Variants in PLCZ1 observed in about 807,000 individuals in gnomAD.
PLCZ1 encodes phospholipase C zeta 1, also known as 1-phosphatidylinositol 4,5-bisphosphate phosphodiesterase zeta-1.
PLCZ1 carries 64 observed loss-of-function variants against 76.8 expected under a neutral mutation model. That is an observed-to-expected ratio of 0.83 (90% CI 0.68 to 1.03). The LOEUF is 1.03. Among genes scored for constraint, PLCZ1 ranks in the 50% least tolerant of loss-of-function variants. The probability of loss-of-function intolerance (pLI) is 0.00; values close to 1 mark genes in which losing one functional copy is unlikely to be tolerated. For missense variants in PLCZ1, 751 were observed against 713.7 expected, an observed-to-expected ratio of 1.05 and a Z score of -0.60; for synonymous variants, 248 against 230.8, an observed-to-expected ratio of 1.07 and a Z score of -0.68.
At chr12:18,720,372 G>A (rs1958367938) in intron 4 of PLCZ1, among the ~76,000 whole-genome samples, 1 of 151,532 alleles carries the variant, frequency 6.6e-6, no homozygotes, top group African/African-American at 2.4e-5. Context: ...TCTGTATGGT[G>A]CATGCCTAGG....
At chr12:18,685,768 A>T in intron 13 of PLCZ1, 1 of 375,270 alleles carries the variant, frequency 2.7e-6, no homozygotes, top group Non-Finnish European at 5.5e-6. Flanking sequence ...TCTTCCTCCA[A>T]TCCTACTTCA....
chr12:18,694,109 G>T, intron 12 of PLCZ1: 1 of 994,564 alleles, frequency 1.0e-6, no homozygotes, highest in Non-Finnish European at 1.6e-6. Flanking sequence ...GTGAACTACG[G>T]CTGCCATCAG....
the PLCZ1 span, among the ~76,000 whole-genome samples, chr12:18,651,159 A>G: frequency 2.6e-5 from 4 of 152,152 alleles, no homozygotes; most frequent in South Asian, 2.1e-4. Context: ...CCTCCTTTGT[A>G]TCTCCTGGAC....
chr12:18,683,103 TA>T, downstream of PLCZ1: 1 of 775,442 alleles, frequency 1.3e-6, no homozygotes, highest in Non-Finnish European at 2.1e-6. Flanking sequence ...TGTATATTTT[TA>T]AGTGAATGGG....
At position 18,730,486 on chromosome 12, in the gene PLCZ1, T is replaced by A. The variant is rs76177468; in HGVS notation, c.135+5735A>T. On this transcript the variant is annotated intron_variant, in intron 3 of 14. Coordinates refer to ENST00000266505, the MANE Select transcript of PLCZ1 (RefSeq NM_033123.4). ...AGCCTTGTTTATATGTAATTTATGC[T>A]TCTAAAGTACTTACAGTTATTTTAG... Among the ~76,000 whole-genome samples the A allele has an allele frequency of 9.4e-3, 1,431 of 152,258 alleles. 23 individuals are homozygous for A. Among genetic ancestry groups the A allele is most frequent in the African/African-American group, 0.033 (1,379 of 41,566 alleles).
At chr12:18,648,110 A>G in the PLCZ1 span, 1 of 811,954 alleles carries the variant, frequency 1.2e-6, no homozygotes, top group East Asian at 2.9e-5. Flanking sequence ...TAAGTAAGGC[A>G]TCTTTGTTGT....
At chr12:18,647,791 A>T in the PLCZ1 span, 7 of 720,354 alleles carry the variant, frequency 9.7e-6, no homozygotes, top group East Asian at 9.5e-5. Flanking sequence ...TTAGCAGCTA[A>T]TTTTTTTTAT....
At chr12:18,695,511 T>C (rs557987731) in intron 11 of PLCZ1, among the ~76,000 whole-genome samples, 2 of 152,226 alleles carry the variant, frequency 1.3e-5, no homozygotes, top group African/African-American at 2.4e-5. Context: ...AAAGCAATAA[T>C]TGTCGTTACA....
chr12:18,680,936 G>A (rs140178846), downstream of PLCZ1, among the ~76,000 whole-genome samples: 972 of 152,142 alleles, frequency 6.4e-3, 10 homozygotes, highest in African/African-American at 0.022. Context: ...AGGCTAAAGC[G>A]ATACTTGGTA....
the PLCZ1 span, chr12:18,647,785 C>A: frequency 3.2e-6 from 2 of 622,254 alleles, no homozygotes; most frequent in Non-Finnish European, 5.0e-6. Context: ...AAGATATTAG[C>A]AGCTAATTTT....
chr12:18,693,332 A>G lies in PLCZ1; in HGVS notation c.1461+1578T>C, dbSNP rs1954427813. The G allele has an allele frequency of 3.2e-6, 5 of 1,539,078 alleles. No homozygotes were observed. In the Admixed American group the frequency reaches 5.0e-5, roughly 15 times the overall value. On this transcript the variant is annotated intron_variant, in intron 12 of 14. Transcript: ENST00000266505. The stretch of plus-strand genomic sequence containing the variant: ...AAAAGGCCCCCCAAGAGACCTATGC[A>G]GATACTGGGGGGTTGGACAACCAAA...
intron 9 of PLCZ1, 89 bp from the exon 10 acceptor site, chr12:18,700,039 A>C: frequency 9.4e-7 from 1 of 1,067,418 alleles, no homozygotes; most frequent in Non-Finnish European, 1.4e-6. Context: ...CTTTCAAACA[A>C]ATGATTTTCA....
chr12:18,737,810 C>T (rs1959575810), intron 1 of PLCZ1, 122 bp downstream of exon 1: 1 of 309,058 alleles, frequency 3.2e-6, no homozygotes, highest in African/African-American at 2.1e-5. Context: ...GGCAGCTACT[C>T]TGAGAGCCTG....
chr12:18,695,598 A>G (rs573976484), intron 11 of PLCZ1, among the ~76,000 whole-genome samples: 2 of 152,036 alleles, frequency 1.3e-5, no homozygotes, highest in South Asian at 2.1e-4. Flanking sequence ...CCCAGCCCCA[A>G]TATCCCCCCT....
intron 3 of PLCZ1, among the ~76,000 whole-genome samples, chr12:18,733,502 G>T (rs1959163136): frequency 6.6e-6 from 1 of 151,860 alleles, no homozygotes; most frequent in Non-Finnish European, 1.5e-5. Context: ...ACCTGTCTTT[G>T]TTTCAATCCC....
intron 5 of PLCZ1, among the ~76,000 whole-genome samples, chr12:18,714,332 T>C (rs10841077): frequency 0.45 from 69,019 of 151,992 alleles, 18,529 homozygotes; most frequent in South Asian, 0.63. Flanking sequence ...AACACTAACA[T>C]AAGGCAATGG....
chr12:18,700,530 A>AAAAAAAAAAAAAAC, intron 9 of PLCZ1, among the ~76,000 whole-genome samples: 2 of 150,216 alleles, frequency 1.3e-5, no homozygotes, highest in Non-Finnish European at 3.0e-5. Flanking sequence ...AAAAAAAAAA[A>AAAAAAAAAAAAAAC]AAAAAATAGT....
the PLCZ1 span, among the ~76,000 whole-genome samples, chr12:18,649,942 G>C: frequency 6.6e-6 from 1 of 152,112 alleles, no homozygotes; most frequent in East Asian, 1.9e-4. Context: ...CAGTGCTGGA[G>C]TGTCCCAGGG....
chr12:18,670,804 G>A, the PLCZ1 span, among the ~76,000 whole-genome samples: 2 of 152,200 alleles, frequency 1.3e-5, no homozygotes, highest in East Asian at 1.9e-4. Flanking sequence ...TGTTTACATT[G>A]TCATGAAACA....
Sources: allele counts gnomAD v4.1 joint callset (sites outside exome capture counted in the v4.1 genomes callset), GRCh38; gene constraint gnomAD v4.1.1; transcripts MANE v1.5; gene names NCBI Gene and HGNC (gene_info 2026-07-23, HGNC 2026-07-21).